Variants in GTF2B observed in about 807,000 individuals in gnomAD.
GTF2B encodes the protein general transcription factor IIB.
GTF2B carries 20 observed loss-of-function variants against 34.6 expected under a neutral mutation model. The observed-to-expected ratio is 0.58, with a 90% CI of 0.41 to 0.84. The LOEUF is 0.84. GTF2B is among the 40% of genes least tolerant of loss of function. GTF2B has a pLI of 0.00. For synonymous variants in GTF2B, 142 were observed against 132.4 expected (o/e 1.07, Z -0.50); for missense variants, 237 against 393.3 (o/e 0.60, Z 3.36).
chr1:88,887,132 T>C (rs921978967), intron 2 of GTF2B, 129 bp downstream of exon 2: 4 of 583,096 alleles, frequency 6.9e-6, no homozygotes, highest in Non-Finnish European at 1.2e-5. Flanking sequence ...TTGGTCAGGC[T>C]GGTCTCGAAC....
At chr1:88,883,910 C>T (rs1193203828) in intron 2 of GTF2B, among the ~76,000 whole-genome samples, 2 of 152,110 alleles carry the variant, frequency 1.3e-5, no homozygotes, top group Non-Finnish European at 2.9e-5. Flanking sequence ...CAGATTCCAC[C>T]TCAGGTTATA....
At chr1:88,860,731 A>C (rs1366314422) in intron 3 of GTF2B, among the ~76,000 whole-genome samples, 1 of 152,200 alleles carries the variant, frequency 6.6e-6, no homozygotes, top group Admixed American at 6.5e-5. Flanking sequence ...TAAAAAGGCA[A>C]ATGAACAAAA....
At chr1:88,860,759 TAAA>T (rs1482438129) in intron 3 of GTF2B, among the ~76,000 whole-genome samples, 1 of 152,274 alleles carries the variant, frequency 6.6e-6, no homozygotes, top group East Asian at 1.9e-4. Flanking sequence ...TCGTCTTTGA[TAAA>T]AACTCATAGG....
chr1:88,872,611 T>C (rs1423863957), intron 2 of GTF2B, among the ~76,000 whole-genome samples: 3 of 152,132 alleles, frequency 2.0e-5, no homozygotes, highest in African/African-American at 7.2e-5. Context: ...GCTAGGAATG[T>C]AAAGTTTTAT....
chr1:88,866,369 A>G (rs1673560164), intron 2 of GTF2B, among the ~76,000 whole-genome samples: 2 of 152,138 alleles, frequency 1.3e-5, no homozygotes, highest in South Asian at 4.1e-4. Flanking sequence ...AATGCTCAAG[A>G]GAATGATTCA....
At chr1:88,873,739 C>T (rs7538427) in intron 2 of GTF2B, among the ~76,000 whole-genome samples, 141,649 of 152,108 alleles carry the variant, frequency 0.93, 66,072 homozygotes, top group South Asian at 0.96. Context: ...TTCTAGCCAT[C>T]GGGAAGGAAA....
At chr1:88,869,942 T>C (rs540868521) in intron 2 of GTF2B, among the ~76,000 whole-genome samples, 4 of 150,442 alleles carry the variant, frequency 2.7e-5, no homozygotes, top group South Asian at 2.1e-4. Flanking sequence ...TTTTTTTTTT[T>C]CTTGAGATGG....
intron 2 of GTF2B, among the ~76,000 whole-genome samples, chr1:88,886,931 T>C (rs892757709): frequency 1.3e-5 from 2 of 152,090 alleles, no homozygotes; most frequent in African/African-American, 2.4e-5. Context: ...TTATTATTTT[T>C]TTTTTGAGAC....
intron 6 of GTF2B, among the ~76,000 whole-genome samples, chr1:88,854,018 A>G (rs1319686703): frequency 6.6e-6 from 1 of 152,134 alleles, no homozygotes; most frequent in Non-Finnish European, 1.5e-5. Context: ...TAGTATTAGG[A>G]GTGTTATCAT....
intron 5 of GTF2B, among the ~76,000 whole-genome samples, chr1:88,857,831 A>ATG (rs1258068868): frequency 6.6e-6 from 1 of 151,650 alleles, no homozygotes; most frequent in Non-Finnish European, 1.5e-5. Context: ...ACAGGCGTGC[A>ATG]CCACCACACC....
chr1:88,854,660 T>C lies in GTF2B; in HGVS notation c.818-1314A>G, dbSNP rs541684319. The stretch of plus-strand genomic sequence containing the variant: ...TGAGGCACCTGCCACCATGCCCAGC[T>C]AATTTTTGTATTTTTAGCAGAGGCA... On this transcript the variant is annotated intron_variant, in intron 6 of 6. Transcript: ENST00000370500. 2.6e-5 allele frequency among the ~76,000 whole-genome samples: 4 copies of C among 152,310 alleles called. No individual in the cohort carries two copies. The South Asian group carries it at 8.3e-4, about 32-fold the overall frequency.
chr1:88,888,358 C>A (rs1289008262), intron 1 of GTF2B, among the ~76,000 whole-genome samples: 1 of 152,090 alleles, frequency 6.6e-6, no homozygotes, highest in African/African-American at 2.4e-5. Flanking sequence ...TCCATATTCC[C>A]CCCTAAACTT....
intron 2 of GTF2B, among the ~76,000 whole-genome samples, chr1:88,868,312 A>T (rs1348927897): frequency 6.6e-6 from 1 of 152,234 alleles, no homozygotes; most frequent in Non-Finnish European, 1.5e-5. Flanking sequence ...ACAGAGACAC[A>T]TATGAATTTC....
rs1173196454 is a variant in GTF2B at position 88,871,934 on chromosome 1, C to T, written c.125-7820G>A. 2.6e-5 allele frequency among the ~76,000 whole-genome samples: 4 copies of T among 151,698 alleles called. No homozygotes were observed. The South Asian group carries it at 6.3e-4, about 24-fold the overall frequency. ...TTTTAGTAGAGACAGGGTTTCACCA[C>T]GTTGGCCAGGCTGGTCTCGAACTCC... On this transcript the variant is annotated intron_variant, in intron 2 of 6. Coordinates refer to ENST00000370500, the MANE Select transcript of GTF2B (RefSeq NM_001514.6).
intron 2 of GTF2B, among the ~76,000 whole-genome samples, chr1:88,882,338 C>T (rs76571200): frequency 0.034 from 3,511 of 104,410 alleles, 94 homozygotes; most frequent in Non-Finnish European, 0.042. Flanking sequence ...AAAAAAAAAA[C>T]GCTACAGAGG....
At position 88,864,063 on chromosome 1, in the gene GTF2B, T is replaced by C; in HGVS notation, c.176A>G (p.Lys59Arg). Residue 59 changes from lysine to arginine, a missense_variant, in exon 3 of 7, where the codon AAA becomes AGA. Around this residue, in one of 3 missense-constraint regions of GTF2B, gnomAD observed 130 missense variants for 170.9 expected, o/e 0.76. Transcript: ENST00000370500. ...GSEWRTFSND[K>R]ATKDPSRVGD... ...AACTCGAGATGGATCTTTTGTTGCT[T>C]TGTCATTGCTGAAAGTTCGCCATTC... The C allele has an allele frequency of 3.1e-6, 5 of 1,613,640 alleles. No individual in the cohort carries two copies. The highest frequency in any genetic ancestry group is 2.2e-5 in the South Asian group (2 of 91,076).
chr1:88,888,968 A>G (rs1048675117), intron 1 of GTF2B, among the ~76,000 whole-genome samples: 2 of 152,232 alleles, frequency 1.3e-5, no homozygotes, highest in Admixed American at 1.3e-4. Context: ...GGTAGGAGCT[A>G]TATGTATGTG....
intron 5 of GTF2B, chr1:88,858,744 A>T (rs1053338607): frequency 6.6e-6 from 1 of 152,208 alleles, no homozygotes; most frequent in Non-Finnish European, 1.5e-5. Context: ...GAAGTCAGTG[A>T]GCAACACTGA....
Position 88,891,549 on chromosome 1 carries a change from A to G in GTF2B, c.-50T>C. 3 of 1,562,952 alleles carry G rather than the reference A, an allele frequency of 1.9e-6. No homozygotes were observed. Among genetic ancestry groups the G allele is most frequent in the African/African-American group, 1.4e-5 (1 of 73,926 alleles). ...AACAAGACACAACAGACACACCGAA[A>G]GCAGGAAGCGAATGTGGCGAAGAGA... On this transcript the variant is annotated 5_prime_UTR_variant, in exon 1 of 7. Coordinates refer to ENST00000370500, the MANE Select transcript of GTF2B (RefSeq NM_001514.6).
Sources: allele counts gnomAD v4.1 joint callset (sites outside exome capture counted in the v4.1 genomes callset), GRCh38; gene constraint gnomAD v4.1.1; regional missense constraint gnomAD v4.1.1; transcripts MANE v1.5; gene names NCBI Gene and HGNC (gene_info 2026-07-23, HGNC 2026-07-21).